POC1B: variants seen among roughly 807,000 people sequenced by gnomAD.
POC1B encodes the protein POC1 centriolar protein homolog B.
Under a neutral mutation model 60.6 loss-of-function variants are expected in POC1B, and 44 were observed. The observed-to-expected ratio is 0.73, with a 90% CI of 0.57 to 0.93. The LOEUF is 0.93. Ranked by LOEUF, POC1B falls within the 40% of genes least tolerant of loss-of-function variation. POC1B has a pLI of 0.00. For synonymous variants in POC1B, 180 were observed against 198.9 expected (o/e 0.90, Z 0.80); for missense variants, 555 against 572.3 (o/e 0.97, Z 0.31).
intron 2 of POC1B, among the ~76,000 whole-genome samples, chr12:89,497,915 A>C (rs1869338594): frequency 6.6e-6 from 1 of 152,198 alleles, no homozygotes; most frequent in Non-Finnish European, 1.5e-5. Flanking sequence ...GCGCATGAAC[A>C]CACGTAAACC....
chr12:89,505,825 G>C (rs533311311), intron 2 of POC1B, among the ~76,000 whole-genome samples: 3 of 152,190 alleles, frequency 2.0e-5, no homozygotes, highest in Non-Finnish European at 4.4e-5. Flanking sequence ...GGAGGCTACT[G>C]CAATCACGCA....
At chr12:89,481,424 A>G (rs891223997) in intron 4 of POC1B, among the ~76,000 whole-genome samples, 2 of 151,942 alleles carry the variant, frequency 1.3e-5, no homozygotes, top group Non-Finnish European at 2.9e-5. Flanking sequence ...TGGGAAACAC[A>G]TGAGATAAGC....
intron 2 of POC1B, among the ~76,000 whole-genome samples, chr12:89,518,533 T>A (rs913782420): frequency 2.0e-5 from 3 of 151,524 alleles, no homozygotes; most frequent in African/African-American, 7.3e-5. Flanking sequence ...ATTATTTAAA[T>A]ACCATAACAT....
At chr12:89,525,053 A>T in intron 2 of POC1B, 67 bp downstream of exon 2, 2 of 1,603,438 alleles carry the variant, frequency 1.2e-6, no homozygotes, top group South Asian at 2.2e-5. Context: ...CTGCCCGGAC[A>T]GGAGGAAAGG....
At chr12:89,418,154 C>T (rs1254602863), downstream of POC1B, among the ~76,000 whole-genome samples, 1 of 152,074 alleles carries the variant, frequency 6.6e-6, no homozygotes, top group Non-Finnish European at 1.5e-5. Flanking sequence ...AGGGAGGGCA[C>T]TTCTGAACAG....
intron 4 of POC1B, chr12:89,485,238 G>A (rs375221180): frequency 6.6e-6 from 1 of 152,208 alleles, no homozygotes; most frequent in Non-Finnish European, 1.5e-5. Context: ...TTTCATCAAG[G>A]TTAAGTTCTC....
intron 3 of POC1B, among the ~76,000 whole-genome samples, chr12:89,494,263 C>G (rs1378458875): frequency 6.6e-6 from 1 of 151,922 alleles, no homozygotes; most frequent in Non-Finnish European, 1.5e-5. Context: ...GTTGCCCATG[C>G]TGGTCTTGAA....
intron 2 of POC1B, among the ~76,000 whole-genome samples, chr12:89,509,867 A>G (rs895991113): frequency 1.3e-5 from 2 of 152,120 alleles, no homozygotes; most frequent in African/African-American, 4.8e-5. Flanking sequence ...TTTTTTTGCG[A>G]CAGAGTCTCA....
intron 2 of POC1B, among the ~76,000 whole-genome samples, chr12:89,509,630 A>G (rs1002091516): frequency 6.6e-6 from 1 of 152,218 alleles, no homozygotes; most frequent in African/African-American, 2.4e-5. Context: ...AGGTATATCA[A>G]TTGATATAGG....
At chr12:89,513,289 T>C (rs986482731) in intron 2 of POC1B, among the ~76,000 whole-genome samples, 1 of 151,772 alleles carries the variant, frequency 6.6e-6, no homozygotes, top group Non-Finnish European at 1.5e-5. Flanking sequence ...AAACTTTTAT[T>C]ATGATTTCAC....
the POC1B span, among the ~76,000 whole-genome samples, chr12:89,402,230 C>G: frequency 1.2e-4 from 19 of 152,100 alleles, no homozygotes; most frequent in African/African-American, 4.6e-4. Context: ...ATGAGTTATT[C>G]CCCACAGCTA....
chr12:89,508,579 C>A (rs1227097540), intron 2 of POC1B, among the ~76,000 whole-genome samples: 1 of 152,200 alleles, frequency 6.6e-6, no homozygotes, highest in East Asian at 1.9e-4. Context: ...CCTACCTCTA[C>A]CATGTAAAGT....
At chr12:89,492,211 A>AAT (rs1415859112) in intron 3 of POC1B, 96 bp from the exon 4 acceptor site, 1 of 1,045,062 alleles carries the variant, frequency 9.6e-7, no homozygotes, top group African/African-American at 1.6e-5. Flanking sequence ...AAATAGTTTA[A>AAT]ATAAAATGGT....
At position 89,484,736 on chromosome 12, in the gene POC1B, C is replaced by G. The variant is rs536024085; in HGVS notation, c.452+7200G>C. ...CTCTCTGCTGAAACTAATCACTGTA[C>G]TGCATCACCTGAAAGATACTACGTC... On this transcript the variant is annotated intron_variant, in intron 4 of 11. Transcript: ENST00000313546. 2.0e-5 allele frequency among the ~76,000 whole-genome samples: 3 copies of G among 152,226 alleles called. No individual in the cohort carries two copies. In the South Asian group the frequency reaches 6.2e-4, roughly 32 times the overall value.
At chr12:89,519,991 G>C (rs1163107952) in intron 2 of POC1B, 1 of 151,980 alleles carries the variant, frequency 6.6e-6, no homozygotes. Context: ...AGAGAGCTTT[G>C]GTACCAATAA....
At chr12:89,453,533 C>T (rs999430262) in intron 10 of POC1B, among the ~76,000 whole-genome samples, 1 of 152,100 alleles carries the variant, frequency 6.6e-6, no homozygotes. Context: ...AGGAAGCAGC[C>T]ACAAAGTTAT....
At chr12:89,514,477 C>G (rs1179707437) in intron 2 of POC1B, among the ~76,000 whole-genome samples, 1 of 124,834 alleles carries the variant, frequency 8.0e-6, no homozygotes, top group South Asian at 2.7e-4. Flanking sequence ...GGCATGATCT[C>G]GGCTCATTGC....
Position 89,421,001 on chromosome 12 carries a change from G to T in POC1B, c.*152C>A. The T allele has an allele frequency of 1.9e-6, 1 of 524,584 alleles. No homozygotes were observed. Among genetic ancestry groups the T allele is most frequent in the African/African-American group, 1.9e-5 (1 of 53,684 alleles). 32.5% of individuals were successfully genotyped at this position (524,584 alleles called of 1,614,324 possible). On this transcript the variant is annotated 3_prime_UTR_variant, in exon 12 of 12. Transcript: ENST00000313546. Reference sequence around the variant, plus strand: ...ATTAGTCCTTAGGTATGCCTTTTCTGCCTTTTGTTCTGTTGCTCACCCTTT... The same window carrying T: ...ATTAGTCCTTAGGTATGCCTTTTCTTCCTTTTGTTCTGTTGCTCACCCTTT...
intron 2 of POC1B, among the ~76,000 whole-genome samples, chr12:89,514,044 G>C (rs1182528324): frequency 6.6e-6 from 1 of 152,046 alleles, no homozygotes; most frequent in Non-Finnish European, 1.5e-5. Context: ...TGAAACCTAA[G>C]AGCCCCTATA....
Sources: allele counts gnomAD v4.1 joint callset (sites outside exome capture counted in the v4.1 genomes callset), GRCh38; gene constraint gnomAD v4.1.1; transcripts MANE v1.5; gene names NCBI Gene and HGNC (gene_info 2026-07-23, HGNC 2026-07-21).